Variants in MYT1L observed in about 807,000 individuals in gnomAD.
MYT1L encodes myelin transcription factor 1-like protein.
MYT1L carries 12 observed loss-of-function variants against 126.7 expected under a neutral mutation model. That is an observed-to-expected ratio of 0.09 (90% CI 0.06 to 0.15). The LOEUF (loss-of-function observed/expected upper bound fraction) is 0.15. Ranked by LOEUF, MYT1L falls within the 10% of genes least tolerant of loss-of-function variation. MYT1L has a pLI of 1.00. For missense variants in MYT1L, 979 were observed against 1,585.2 expected, an observed-to-expected ratio of 0.62 and a Z score of 6.49; for synonymous variants, 541 against 604.2, an observed-to-expected ratio of 0.90 and a Z score of 1.53.
At chr2:1,851,942 C>T (rs564890513) in intron 18 of MYT1L, among the ~76,000 whole-genome samples, 24 of 152,198 alleles carry the variant, frequency 1.6e-4, no homozygotes, top group African/African-American at 5.5e-4. Flanking sequence ...GAGCAGATGC[C>T]GCACTTTTGG....
At chr2:1,803,715 G>A (rs1204680560) in intron 22 of MYT1L, among the ~76,000 whole-genome samples, 1 of 152,190 alleles carries the variant, frequency 6.6e-6, no homozygotes, top group Non-Finnish European at 1.5e-5. Flanking sequence ...GCCTGGGAAC[G>A]TCTCAGTCCT....
At chr2:1,799,473 G>A (rs1382441215) in intron 23 of MYT1L, among the ~76,000 whole-genome samples, 4 of 152,206 alleles carry the variant, frequency 2.6e-5, no homozygotes, top group South Asian at 2.1e-4. Flanking sequence ...CAGAGCTGCC[G>A]TCTATCCCTC....
At chr2:1,969,427 C>T (rs746239837) in intron 8 of MYT1L, among the ~76,000 whole-genome samples, 1 of 152,194 alleles carries the variant, frequency 6.6e-6, no homozygotes, top group African/African-American at 2.4e-5. Context: ...TTGTTGGCCA[C>T]GATTCTCAAA....
chr2:2,267,417 A>C (rs2095159999), intron 2 of MYT1L, among the ~76,000 whole-genome samples: 1 of 152,230 alleles, frequency 6.6e-6, no homozygotes, highest in African/African-American at 2.4e-5. Context: ...TGAAGGCGTC[A>C]AAGTGCACGC....
At chr2:1,903,794 G>A (rs2050657514) in intron 13 of MYT1L, among the ~76,000 whole-genome samples, 2 of 152,200 alleles carry the variant, frequency 1.3e-5, no homozygotes, top group Admixed American at 6.5e-5. Flanking sequence ...GGTAGGCTAG[G>A]TGGTAATGTA....
In MYT1L at chr2:2,106,678, C is replaced by G. The variant is rs922942723; in HGVS notation, c.-303-52555G>C. Among the ~76,000 whole-genome samples the G allele has an allele frequency of 2.0e-5, 3 of 152,190 alleles. No homozygotes were observed. In the East Asian group the frequency reaches 5.8e-4, roughly 29 times the overall value. The stretch of plus-strand genomic sequence containing the variant: ...AAATTCATCTCCATGAGGGAAGTCT[C>G]TCACGTTCCTAACACCATGACTTGA... On this transcript the variant is annotated intron_variant, in intron 3 of 24. Coordinates refer to ENST00000647738, the MANE Select transcript of MYT1L (RefSeq NM_001303052.2).
intron 2 of MYT1L, among the ~76,000 whole-genome samples, chr2:2,209,392 C>T (rs905036378): frequency 6.6e-6 from 1 of 152,124 alleles, no homozygotes; most frequent in African/African-American, 2.4e-5. Context: ...TCCCCTACCC[C>T]CTGCCCCACC....
intron 3 of MYT1L, among the ~76,000 whole-genome samples, chr2:2,101,442 TC>T (rs1161748883): frequency 1.3e-5 from 2 of 152,102 alleles, no homozygotes; most frequent in East Asian, 3.9e-4. Flanking sequence ...TTAAATCCAC[TC>T]ATCAATCTAC....
chr2:2,282,687 T>G (rs902775506), intron 2 of MYT1L, among the ~76,000 whole-genome samples: 1 of 152,218 alleles, frequency 6.6e-6, no homozygotes, highest in East Asian at 1.9e-4. Flanking sequence ...ATCCAACTTA[T>G]GAAATTACAA....
At chr2:2,319,047 A>C (rs556068044) in intron 1 of MYT1L, among the ~76,000 whole-genome samples, 1 of 152,310 alleles carries the variant, frequency 6.6e-6, no homozygotes, top group African/African-American at 2.4e-5. Flanking sequence ...ACCAGTTTCT[A>C]ATTTGAATTC....
At chr2:1,844,136 C>G (rs1255926569) in intron 19 of MYT1L, among the ~76,000 whole-genome samples, 1 of 152,134 alleles carries the variant, frequency 6.6e-6, no homozygotes, top group Non-Finnish European at 1.5e-5. Flanking sequence ...GGCACCTGTG[C>G]CCCACGGGGT....
At chr2:1,954,420 G>T (rs2058156362) in intron 8 of MYT1L, among the ~76,000 whole-genome samples, 1 of 152,166 alleles carries the variant, frequency 6.6e-6, no homozygotes, top group Admixed American at 6.5e-5. Flanking sequence ...CCATCCCAAT[G>T]ACATTTTCAG....
At chr2:1,885,494 C>A (rs1325314110) in intron 18 of MYT1L, 2 of 152,632 alleles carry the variant, frequency 1.3e-5, no homozygotes, top group South Asian at 2.1e-4. Flanking sequence ...GGACAGGGAT[C>A]CTGTAAAAGA....
intron 8 of MYT1L, among the ~76,000 whole-genome samples, chr2:1,944,236 C>A (rs1354722741): frequency 1.3e-5 from 2 of 152,084 alleles, no homozygotes; most frequent in African/African-American, 4.8e-5. Context: ...CCCCGCTTCC[C>A]CGACCCCACG....
intron 18 of MYT1L, among the ~76,000 whole-genome samples, chr2:1,872,914 G>A (rs1437650582): frequency 7.3e-6 from 1 of 136,428 alleles, no homozygotes; most frequent in Admixed American, 6.8e-5. Context: ...TCCTCACTGT[G>A]TAGATGGGGA....
intron 2 of MYT1L, among the ~76,000 whole-genome samples, chr2:2,174,918 T>G (rs944045566): frequency 9.9e-5 from 15 of 152,054 alleles, no homozygotes; most frequent in African/African-American, 3.6e-4. Context: ...TAAATCTGTT[T>G]TTTAGCACCA....
intron 3 of MYT1L, among the ~76,000 whole-genome samples, chr2:2,092,026 C>T (rs979158649): frequency 6.6e-6 from 1 of 152,166 alleles, no homozygotes; most frequent in African/African-American, 2.4e-5. Context: ...AAGGCTGGTT[C>T]CATTTATTAT....
At position 2,295,729 on chromosome 2, in the gene MYT1L, GAGAC is replaced by G. The variant is rs764675290; in HGVS notation, c.-520-11230_-520-11227del. ...ACAGACAGACAGAGAGAGAGATAGA[GAGAC>G]AGACAGACAGAGAGAGAGAGACAGA... On this transcript the variant is annotated intron_variant, in intron 1 of 24. Transcript: ENST00000647738. 2.8e-3 allele frequency among the ~76,000 whole-genome samples: 386 copies of G among 135,596 alleles called. 33 individuals are homozygous for G. In the East Asian group the frequency reaches 0.07, roughly 25 times the overall value. The allele number at this position is 135,596 out of a possible 152,430, so 89.0% of individuals were successfully genotyped here. A position where few individuals can be genotyped will look rare whatever the true frequency, so the allele number is the denominator to read the frequency against.
At chr2:1,918,624 T>C (rs1245027419) in intron 10 of MYT1L, among the ~76,000 whole-genome samples, 2 of 152,210 alleles carry the variant, frequency 1.3e-5, no homozygotes, top group African/African-American at 2.4e-5. Context: ...ACAAATGCCA[T>C]CATGTTCATA....
Sources: allele counts gnomAD v4.1 joint callset (sites outside exome capture counted in the v4.1 genomes callset), GRCh38; gene constraint gnomAD v4.1.1; transcripts MANE v1.5; gene names NCBI Gene and HGNC (gene_info 2026-07-23, HGNC 2026-07-21).